Variants in ISLR observed in about 807,000 individuals in gnomAD.
ISLR encodes immunoglobulin superfamily containing leucine rich repeat.
In ISLR, 9 loss-of-function variants were observed where a neutral mutation model predicts 11.0. The observed-to-expected ratio is 0.82, with a 90% CI of 0.49 to 1.43. The LOEUF is 1.43. Ranked by LOEUF, ISLR falls within the 40% of genes most tolerant of loss-of-function variation. The pLI is 0.00. For synonymous variants in ISLR, 262 were observed against 264.1 expected, an observed-to-expected ratio of 0.99 and a Z score of 0.08; for missense variants, 510 against 576.4, an observed-to-expected ratio of 0.88 and a Z score of 1.18.
intron 1 of ISLR, chr15:74,174,552 G>A (rs2141982506): frequency 3.1e-6 from 1 of 318,990 alleles, no homozygotes; most frequent in African/African-American, 2.1e-5. Context: ...AAGTCATAAA[G>A]TCAGCTAGGA....
chr15:74,176,439 A>C lies in ISLR; in HGVS notation c.*294A>C. The C allele has an allele frequency of 1.6e-5, 6 of 369,366 alleles. No homozygotes were observed. The highest frequency in any genetic ancestry group is 8.7e-5 in the East Asian group (2 of 22,948). The allele number at this position is 369,366 out of a possible 1,614,324, so 22.9% of individuals were successfully genotyped here. A position where few individuals can be genotyped will look rare whatever the true frequency, so the allele number is the denominator to read the frequency against. On this transcript the variant is annotated 3_prime_UTR_variant, in exon 2 of 2. Transcript: ENST00000249842. ...AGCATGCTAACGGGGCGACGTCCTA[A>C]TCCAACTGGGAGAAGCCTCAGTGGT...
rs762162482 is a variant in ISLR at position 74,175,273 on chromosome 15, C to T, written c.415C>T (p.Arg139Cys). The change falls in exon 2 of 2, where the codon CGC (arginine) becomes TGC (cysteine). Residue 139 changes from arginine to cysteine, a missense_variant. Arg to Cys is a radical substitution (Grantham distance 180). Coordinates refer to ENST00000249842, the MANE Select transcript of ISLR (RefSeq NM_005545.4). The surrounding 1 kb of genome is among the most constrained non-coding windows in gnomAD (Gnocchi z 4.7). ...MDSNELTFIP[R>C]DAFRSLRALR... The stretch of plus-strand genomic sequence containing the variant: ...CAGCAACGAGCTGACCTTCATCCCC[C>T]GCGACGCCTTCCGCAGCCTCCGTGC... 8.7e-6 allele frequency: 14 copies of T among 1,612,774 alleles called. No homozygotes were observed. Among genetic ancestry groups the T allele is most frequent in the South Asian group, 3.3e-5 (3 of 91,076 alleles).
At position 74,175,325 on chromosome 15, in the gene ISLR, A is replaced by G. The variant is rs1426899796; in HGVS notation, c.467A>G (p.Asn156Ser). Residue 156 changes from asparagine to serine, a missense_variant, in exon 2 of 2, where the codon AAC (asparagine) becomes AGC (serine). Asn to Ser is a conservative substitution (Grantham distance 46). Transcript: ENST00000249842. This position sits in a 1 kb window ranked among gnomAD's most constrained non-coding sequence, Gnocchi z 4.7. ...CTGCGCTCGCTGCAACTCAACCACA[A>G]CCGCTTGCACACATTGGCCGAGGGC... ...RALRSLQLNHNRLHTLAEGTF... is the reference protein window; with the variant it reads ...RALRSLQLNHSRLHTLAEGTF... The G allele has an allele frequency of 6.2e-7, 1 of 1,610,640 alleles. No individual in the cohort carries two copies.
Position 74,175,810 on chromosome 15 carries a change from G to A in ISLR, c.952G>A (p.Gly318Ser), listed in dbSNP as rs760912024. 5.0e-6 allele frequency: 8 copies of A among 1,614,098 alleles called. No individual in the cohort carries two copies. In the Middle Eastern group the frequency reaches 1.2e-3, roughly 233 times the overall value. The change falls in exon 2 of 2, where the codon GGC becomes AGC. Residue 318 changes from glycine (G) to serine (S), a missense_variant. Transcript: ENST00000249842. This position sits in a 1 kb window ranked among gnomAD's most constrained non-coding sequence, Gnocchi z 4.7. ...TGGCAGCCTGCTTATCCCCGACTTT[G>A]GCAAGCTGGAGGAAGGCACCTACAG... ...ANGSLLIPDF[G>S]KLEEGTYSCL...
chr15:74,175,512 T>C lies in ISLR; in HGVS notation c.654T>C (p.Gly218=), dbSNP rs2072783891. ...IACTSPHVLK[G]TPLSRLPPLP... is the part of the protein sequence containing the mutation. Reference sequence around the variant, plus strand: ...GCACCTCACCCCATGTGCTCAAGGGTACGCCGCTGAGCCGCCTGCCGCCAC... The same window carrying C: ...GCACCTCACCCCATGTGCTCAAGGGCACGCCGCTGAGCCGCCTGCCGCCAC... The change falls in exon 2 of 2, where the codon GGT becomes GGC. Residue 218 remains glycine, a synonymous_variant. Coordinates refer to ENST00000249842, the MANE Select transcript of ISLR (RefSeq NM_005545.4). This position sits in a 1 kb window ranked among gnomAD's most constrained non-coding sequence, Gnocchi z 4.7. The C allele has an allele frequency of 6.2e-7, 1 of 1,609,912 alleles. No individual in the cohort carries two copies. The highest frequency in any genetic ancestry group is 1.3e-5 in the African/African-American group (1 of 74,902).
At position 74,175,384 on chromosome 15, in the gene ISLR, C is replaced by A. The variant is rs1350197156; in HGVS notation, c.526C>A (p.Gln176Lys). 3.7e-6 allele frequency: 6 copies of A among 1,611,624 alleles called. No homozygotes were observed. Among genetic ancestry groups the A allele is most frequent in the Non-Finnish European group, 5.1e-6 (6 of 1,179,900 alleles). ...FTPLTALSHL[Q>K]INENPFDCTC... ...CCCGCTCACCGCGCTGTCCCACCTG[C>A]AGATCAACGAGAACCCCTTCGACTG... The change falls in exon 2 of 2, where the codon CAG becomes AAG. Residue 176 changes from glutamine (Q) to lysine (K), a missense_variant. Coordinates refer to ENST00000249842, the MANE Select transcript of ISLR (RefSeq NM_005545.4). This position sits in a 1 kb window ranked among gnomAD's most constrained non-coding sequence, Gnocchi z 4.7.
In ISLR at chr15:74,176,230, T is replaced by C. The variant is rs2072794868; in HGVS notation, c.*85T>C. On this transcript the variant is annotated 3_prime_UTR_variant, in exon 2 of 2. Transcript: ENST00000249842. ...GCAGGGGTCTGGGGTTGGCAACTCC[T>C]GAGGCCTGCATGGGTGACTTCACAT... 1 of 1,111,788 alleles carries C rather than the reference T, an allele frequency of 9.0e-7. No homozygotes were observed. Among genetic ancestry groups the C allele is most frequent in the Non-Finnish European group, 1.3e-6 (1 of 781,058 alleles). The allele number at this position is 1,111,788 out of a possible 1,614,324, so 68.9% of individuals were successfully genotyped here.
Position 74,176,037 on chromosome 15 carries a change from T to C in ISLR, c.1179T>C (p.Ala393=). ...TGGTCATCATCTACCTCAGCCGTGC[T>C]GGGAACCCTGAGGCTGCAGTCGCAG... The part of the protein sequence containing the change: ...DNVVIIYLSR[A]GNPEAAVAEG... Residue 393 remains alanine (A), a synonymous_variant, in exon 2 of 2, where the codon GCT becomes GCC. Transcript: ENST00000249842. 1.9e-6 allele frequency: 3 copies of C among 1,612,898 alleles called. No individual in the cohort carries two copies. The highest frequency in any genetic ancestry group is 2.5e-6 in the Non-Finnish European group (3 of 1,179,242).
chr15:74,175,121 C>T lies in ISLR; in HGVS notation c.263C>T (p.Thr88Met), dbSNP rs199636609. The T allele has an allele frequency of 1.3e-4, 202 of 1,610,570 alleles. No homozygotes were observed. The highest frequency in any genetic ancestry group is 1.6e-4 in the Middle Eastern group (1 of 6,062). ...SLWLAHNEIR[T>M]VAAGALASLS... ...TGGCTGGCACACAATGAGATCCGCA[C>T]GGTGGCCGCCGGAGCCCTGGCCTCT... The change falls in exon 2 of 2, where the codon ACG becomes ATG. Residue 88 changes from threonine to methionine, a missense_variant. Transcript: ENST00000249842. The surrounding 1 kb of genome is among the most constrained non-coding windows in gnomAD (Gnocchi z 4.7).
At position 74,174,958 on chromosome 15, in the gene ISLR, G is replaced by A. The variant is rs774185543; in HGVS notation, c.100G>A (p.Ala34Thr). 1.5e-5 allele frequency: 24 copies of A among 1,611,976 alleles called. No individual in the cohort carries two copies. The highest frequency in any genetic ancestry group is 6.7e-5 in the Admixed American group (4 of 59,744). Residue 34 changes from alanine to threonine, a missense_variant, in exon 2 of 2, where the codon GCC (alanine) becomes ACC (threonine). By Grantham distance (58) the Ala-to-Thr change is moderately conservative (BLOSUM62 0). Transcript: ENST00000249842. ...TGGGGAAAAGTATGGCTTCCAGATCGCCGACTGTGCCTACCGCGACCTAGA... is the reference window on the plus strand; with the variant it reads ...TGGGGAAAAGTATGGCTTCCAGATCACCGACTGTGCCTACCGCGACCTAGA... ...DCGEKYGFQIADCAYRDLESV... is the reference protein window; with the variant it reads ...DCGEKYGFQITDCAYRDLESV...
chr15:74,176,411 GGCA>G lies in ISLR; in HGVS notation c.*270_*272del. ...GCATTGCCTGTGCTCTCCTCTCAGG[GGCA>G]GCATGCTAACGGGGCGACGTCCTAA... is the stretch of plus-strand genomic sequence containing the variant. On this transcript the variant is annotated 3_prime_UTR_variant, in exon 2 of 2. Coordinates refer to ENST00000249842, the MANE Select transcript of ISLR (RefSeq NM_005545.4). The G allele has an allele frequency of 2.3e-6, 1 of 428,982 alleles. No homozygotes were observed. Among genetic ancestry groups the G allele is most frequent in the East Asian group, 3.5e-5 (1 of 28,400 alleles). 26.6% of individuals were successfully genotyped at this position (428,982 alleles called of 1,614,324 possible).
Position 74,175,400 on chromosome 15 carries a change from C to G in ISLR, c.542C>G (p.Pro181Arg). ...ALSHLQINEN[P>R]FDCTCGIVWL... ...TCCCACCTGCAGATCAACGAGAACC[C>G]CTTCGACTGCACCTGCGGCATCGTG... is the stretch of plus-strand genomic sequence containing the variant. The change falls in exon 2 of 2, where the codon CCC becomes CGC. Residue 181 changes from proline (P) to arginine (R), a missense_variant. Physicochemically the swap from Pro to Arg is moderately radical, Grantham distance 103. Coordinates refer to ENST00000249842, the MANE Select transcript of ISLR (RefSeq NM_005545.4). This position sits in a 1 kb window ranked among gnomAD's most constrained non-coding sequence, Gnocchi z 4.7. 1 of 1,612,104 alleles carries G rather than the reference C, an allele frequency of 6.2e-7. No homozygotes were observed. The highest frequency in any genetic ancestry group is 8.5e-7 in the Non-Finnish European group (1 of 1,179,984).
chr15:74,176,240 A>G lies in ISLR; in HGVS notation c.*95A>G. The G allele has an allele frequency of 1.0e-6, 1 of 964,086 alleles. No individual in the cohort carries two copies. The highest frequency in any genetic ancestry group is 1.5e-6 in the Non-Finnish European group (1 of 654,802). The allele number at this position is 964,086 out of a possible 1,614,324, so 59.7% of individuals were successfully genotyped here. A position where few individuals can be genotyped will look rare whatever the true frequency, so the allele number is the denominator to read the frequency against. ...GGGGTTGGCAACTCCTGAGGCCTGC[A>G]TGGGTGACTTCACATTTTCCTACCT... On this transcript the variant is annotated 3_prime_UTR_variant, in exon 2 of 2. Coordinates refer to ENST00000249842, the MANE Select transcript of ISLR (RefSeq NM_005545.4).
In ISLR at chr15:74,174,975, C is replaced by A. The variant is rs1063734; in HGVS notation, c.117C>A (p.Arg39=). The A allele has an allele frequency of 6.2e-7, 1 of 1,613,252 alleles. No homozygotes were observed. Among genetic ancestry groups the A allele is most frequent in the Non-Finnish European group, 8.5e-7 (1 of 1,179,760 alleles). ...TCCAGATCGCCGACTGTGCCTACCGCGACCTAGAATCCGTGCCGCCTGGCT... is the reference window on the plus strand; with the variant it reads ...TCCAGATCGCCGACTGTGCCTACCGAGACCTAGAATCCGTGCCGCCTGGCT... The part of the protein sequence containing the change: ...YGFQIADCAY[R]DLESVPPGFP... The change falls in exon 2 of 2, where the codon CGC becomes CGA. Residue 39 remains arginine (R), a synonymous_variant. Coordinates refer to ENST00000249842, the MANE Select transcript of ISLR (RefSeq NM_005545.4).
intron 1 of ISLR, chr15:74,174,574 C>T (rs1027992355): frequency 1.3e-5 from 5 of 379,202 alleles, no homozygotes; most frequent in Middle Eastern, 6.7e-4. Context: ...CAGGCCGAGG[C>T]AGGGAGAACT....
In ISLR at chr15:74,174,521, G is replaced by T. The variant is rs1480908626; in HGVS notation, c.-8-330G>T. The T allele has an allele frequency of 2.5e-5, 6 of 241,944 alleles. No individual in the cohort carries two copies. The East Asian group carries it at 2.5e-4, about 10-fold the overall frequency. The allele number at this position is 241,944 out of a possible 1,614,324, so 15.0% of individuals were successfully genotyped here. On this transcript the variant is annotated intron_variant, in intron 1 of 1. Coordinates refer to ENST00000249842, the MANE Select transcript of ISLR (RefSeq NM_005545.4). ...GTTCTGCAAAGTGCTGGGGGAGGGG[G>T]GTGGCTGGAAAACAGATTTCAAGTC...
chr15:74,176,365 C>T lies in ISLR; in HGVS notation c.*220C>T, dbSNP rs1040367092. 2.2e-5 allele frequency: 11 copies of T among 492,848 alleles called. No individual in the cohort carries two copies. The South Asian group carries it at 3.1e-4, about 14-fold the overall frequency. The allele number at this position is 492,848 out of a possible 1,614,324, so 30.5% of individuals were successfully genotyped here. On this transcript the variant is annotated 3_prime_UTR_variant, in exon 2 of 2. Coordinates refer to ENST00000249842, the MANE Select transcript of ISLR (RefSeq NM_005545.4). ...ATTTGATCCCCTAACTCACTGTCTGCGGTGCTCATTGCTGCTAACAGCATT... is the reference window on the plus strand; with the variant it reads ...ATTTGATCCCCTAACTCACTGTCTGTGGTGCTCATTGCTGCTAACAGCATT...
Position 74,176,289 on chromosome 15 carries a change from A to G in ISLR, c.*144A>G. On this transcript the variant is annotated 3_prime_UTR_variant, in exon 2 of 2. Transcript: ENST00000249842. ...CTCTCCTTCTAATCTCTTCTAGAGC[A>G]CCTGCTATCCCCAACTTCTAGACCT... is the stretch of plus-strand genomic sequence containing the variant. 6.4e-6 allele frequency: 4 copies of G among 626,866 alleles called. No homozygotes were observed. Among genetic ancestry groups the G allele is most frequent in the Non-Finnish European group, 8.2e-6 (3 of 366,118 alleles). 38.8% of individuals were successfully genotyped at this position (626,866 alleles called of 1,614,324 possible). A position where few individuals can be genotyped will look rare whatever the true frequency, so the allele number is the denominator to read the frequency against.
In ISLR at chr15:74,175,454, C is replaced by T. The variant is rs1347074816; in HGVS notation, c.596C>T (p.Ala199Val). The change falls in exon 2 of 2, where the codon GCC becomes GTC. Residue 199 changes from alanine (A) to valine (V), a missense_variant. Physicochemically the swap from Ala to Val is moderately conservative, Grantham distance 64 (BLOSUM62 0). Coordinates refer to ENST00000249842, the MANE Select transcript of ISLR (RefSeq NM_005545.4). This position sits in a 1 kb window ranked among gnomAD's most constrained non-coding sequence, Gnocchi z 4.7. ...CTCAAGACATGGGCCCTGACCACGG[C>T]CGTGTCCATCCCGGAGCAGGACAAC... Reference protein sequence around the residue: ...VWLKTWALTTAVSIPEQDNIA... With the variant: ...VWLKTWALTTVVSIPEQDNIA... 1.2e-6 allele frequency: 2 copies of T among 1,611,642 alleles called. No homozygotes were observed. Among genetic ancestry groups the T allele is most frequent in the South Asian group, 2.2e-5 (2 of 91,082 alleles).
Sources: gnomAD v4.1 joint callset for allele counts on GRCh38, gnomAD v4.1.1 for gene constraint, Gnocchi (gnomAD v3.1) non-coding constraint, MANE v1.5 for transcripts, NCBI Gene and HGNC (gene_info 2026-07-23, HGNC 2026-07-21) for gene names.